Variants in MACROD2 observed in about 807,000 individuals in gnomAD.
MACROD2 encodes the protein mono-ADP ribosylhydrolase 2, also known as ADP-ribose glycohydrolase MACROD2.
Under a neutral mutation model 70.4 loss-of-function variants are expected in MACROD2, and 36 were observed. The observed-to-expected ratio is 0.51, with a 90% CI of 0.39 to 0.68. The LOEUF (loss-of-function observed/expected upper bound fraction) is 0.68, where lower values mean the gene tolerates loss of function less well. MACROD2 is among the 30% of genes least tolerant of loss of function. MACROD2 has a pLI of 0.00. For synonymous variants in MACROD2, 172 were observed against 178.8 expected (o/e 0.96, Z 0.30); for missense variants, 496 against 538.4 (o/e 0.92, Z 0.78).
At chr20:15,803,374 T>A (rs1338184555) in intron 8 of MACROD2, among the ~76,000 whole-genome samples, 1 of 152,080 alleles carries the variant, frequency 6.6e-6, no homozygotes, top group Non-Finnish European at 1.5e-5. Flanking sequence ...AGTGTAGGAT[T>A]TTATTAATTT....
intron 2 of MACROD2, among the ~76,000 whole-genome samples, chr20:14,016,947 C>T (rs1246636467): frequency 6.6e-6 from 1 of 152,040 alleles, no homozygotes; most frequent in Non-Finnish European, 1.5e-5. Flanking sequence ...GTGTTGTCAT[C>T]TTCACAATAT....
chr20:15,904,551 A>T (rs1474895987), intron 10 of MACROD2, among the ~76,000 whole-genome samples: 1 of 152,096 alleles, frequency 6.6e-6, no homozygotes, highest in South Asian at 2.1e-4. Flanking sequence ...AGGAATGATC[A>T]TGTAATTGCT....
chr20:15,761,858 C>T (rs890294347), intron 8 of MACROD2, among the ~76,000 whole-genome samples: 1 of 152,192 alleles, frequency 6.6e-6, no homozygotes, highest in African/African-American at 2.4e-5. Flanking sequence ...TGCAGGAAGA[C>T]CTTTGATTTC....
At chr20:15,661,056 T>G (rs539449650) in intron 8 of MACROD2, among the ~76,000 whole-genome samples, 7 of 152,314 alleles carry the variant, frequency 4.6e-5, no homozygotes, top group African/African-American at 1.7e-4. Context: ...CTCTTACTAT[T>G]TGTGAGACCT....
At chr20:15,532,570 T>C (rs988431154) in intron 8 of MACROD2, among the ~76,000 whole-genome samples, 1 of 151,238 alleles carries the variant, frequency 6.6e-6, no homozygotes, top group African/African-American at 2.5e-5. Context: ...TTATTTTTAC[T>C]CATTGATTAT....
chr20:15,921,895 C>T (rs982902920), intron 10 of MACROD2, among the ~76,000 whole-genome samples: 8 of 152,268 alleles, frequency 5.3e-5, no homozygotes, highest in African/African-American at 1.9e-4. Context: ...CTTAGTCCTG[C>T]GGGAGGACTC....
intron 5 of MACROD2, among the ~76,000 whole-genome samples, chr20:15,149,807 C>A (rs763463969): frequency 7.2e-5 from 11 of 151,958 alleles, no homozygotes; most frequent in Non-Finnish European, 1.6e-4. Flanking sequence ...ACTGCACAGC[C>A]CTGCACTTCG....
chr20:15,500,684 A>G (rs2047353893), intron 8 of MACROD2, among the ~76,000 whole-genome samples: 1 of 152,192 alleles, frequency 6.6e-6, no homozygotes. Flanking sequence ...AATTATTTGG[A>G]AATAATTAGA....
At chr20:14,588,298 C>A (rs76131672) in intron 4 of MACROD2, among the ~76,000 whole-genome samples, 160 of 152,176 alleles carry the variant, frequency 1.1e-3, no homozygotes, top group Admixed American at 2.9e-3. Context: ...GAATTACTGG[C>A]AAAAAGTTTA....
At chr20:15,842,976 T>C (rs1255068985) in intron 8 of MACROD2, among the ~76,000 whole-genome samples, 2 of 152,160 alleles carry the variant, frequency 1.3e-5, no homozygotes, top group African/African-American at 2.4e-5. Flanking sequence ...AATTATTTAG[T>C]AGAGTAGGCA....
intron 15 of MACROD2, among the ~76,000 whole-genome samples, chr20:15,993,400 A>G (rs566148373): frequency 1.3e-5 from 2 of 152,262 alleles, no homozygotes; most frequent in Admixed American, 1.3e-4. Context: ...GTTTTGACAT[A>G]CAAATACTTA....
rs770506040 is a variant in MACROD2 at position 14,326,418 on chromosome 20, G to A, written c.272-167061G>A. On this transcript the variant is annotated intron_variant, in intron 3 of 17. Coordinates refer to ENST00000684519, the MANE Select transcript of MACROD2 (RefSeq NM_001351661.2). This position sits in a 1 kb window ranked among gnomAD's most constrained non-coding sequence, Gnocchi z 5.5. ...TGGGTATTGCAGTGGTTATCTGAAT[G>A]GTGCTTACAATCCCACTGTCCTTAC... The A allele has an allele frequency of 4.3e-6, 7 of 1,613,752 alleles. No individual in the cohort carries two copies. Among genetic ancestry groups the A allele is most frequent in the Non-Finnish European group, 5.1e-6 (6 of 1,179,894 alleles).
chr20:15,290,354 CT>C (rs996865861), intron 6 of MACROD2, among the ~76,000 whole-genome samples: 6 of 152,214 alleles, frequency 3.9e-5, no homozygotes, highest in Middle Eastern at 3.4e-3. Context: ...TATATTCTGG[CT>C]TTTTTCCCAT....
At chr20:15,215,559 T>A (rs865963653) in intron 5 of MACROD2, among the ~76,000 whole-genome samples, 1 of 151,902 alleles carries the variant, frequency 6.6e-6, no homozygotes, top group Non-Finnish European at 1.5e-5. Context: ...ATACATAAAA[T>A]ACATAAAATT....
At chr20:15,276,979 G>T (rs182539263) in intron 6 of MACROD2, among the ~76,000 whole-genome samples, 1 of 152,312 alleles carries the variant, frequency 6.6e-6, no homozygotes, top group Admixed American at 6.5e-5. Context: ...ATTGGTATCA[G>T]TGTGAATGCC....
intron 15 of MACROD2, among the ~76,000 whole-genome samples, chr20:15,989,137 C>T (rs935996623): frequency 2.6e-5 from 4 of 152,152 alleles, no homozygotes; most frequent in Non-Finnish European, 5.9e-5. Flanking sequence ...ACATAGAATG[C>T]ACTCCATAAG....
intron 8 of MACROD2, among the ~76,000 whole-genome samples, chr20:15,754,071 G>A (rs554409432): frequency 8.5e-5 from 13 of 152,242 alleles, no homozygotes; most frequent in African/African-American, 3.1e-4. Context: ...TCATGTAATA[G>A]TTACTTAACA....
intron 6 of MACROD2, among the ~76,000 whole-genome samples, chr20:15,326,491 A>G (rs150071506): frequency 2.0e-3 from 306 of 152,232 alleles, no homozygotes; most frequent in African/African-American, 7.0e-3. Context: ...TTTATTAACA[A>G]TTTATACACT....
At chr20:15,172,315 G>A (rs915522924) in intron 5 of MACROD2, among the ~76,000 whole-genome samples, 12 of 152,118 alleles carry the variant, frequency 7.9e-5, no homozygotes, top group Non-Finnish European at 1.6e-4. Flanking sequence ...TCTGGAGACC[G>A]GACAAAACAA....
Sources: allele counts gnomAD v4.1 joint callset (sites outside exome capture counted in the v4.1 genomes callset), GRCh38; gene constraint gnomAD v4.1.1; non-coding constraint Gnocchi (gnomAD v3.1); transcripts MANE v1.5; gene names NCBI Gene and HGNC (gene_info 2026-07-23, HGNC 2026-07-21).